SLC46A3: variants seen among roughly 807,000 people sequenced by gnomAD.
SLC46A3 encodes lysosomal proton-coupled steroid conjugate and bile acid symporter SLC46A3.
Under a neutral mutation model 38.5 loss-of-function variants are expected in SLC46A3, and 26 were observed. That is an observed-to-expected ratio of 0.68 (90% CI 0.49 to 0.94). The LOEUF (loss-of-function observed/expected upper bound fraction) is 0.94. SLC46A3 is among the 40% of genes least tolerant of loss of function. SLC46A3 has a pLI of 0.00. For synonymous variants in SLC46A3, 185 were observed against 192.5 expected, an observed-to-expected ratio of 0.96 and a Z score of 0.32; for missense variants, 510 against 544.3, an observed-to-expected ratio of 0.94 and a Z score of 0.63.
chr13:28,703,097 T>C (rs1208082727), intron 5 of SLC46A3, among the ~76,000 whole-genome samples: 2 of 152,220 alleles, frequency 1.3e-5, no homozygotes, highest in Non-Finnish European at 2.9e-5. Flanking sequence ...AAATATTGCT[T>C]TTATATTTAT....
At position 28,704,051 on chromosome 13, in the gene SLC46A3, G is replaced by A. The variant is rs746162466; in HGVS notation, c.1193C>T (p.Thr398Ile). The change falls in exon 5 of 6, where the codon ACT (threonine) becomes ATT (isoleucine). Residue 398 changes from threonine to isoleucine, a missense_variant. By Grantham distance (89) the Thr-to-Ile change is moderately conservative (BLOSUM62 -1). Coordinates refer to ENST00000266943, the MANE Select transcript of SLC46A3 (RefSeq NM_181785.4). ...IAFLETLGGV[T>I]AVSTFNGIYS... is the part of the protein sequence containing the mutation. ...AATTCCATTAAAAGTAGAAACTGCA[G>A]TGACTCCTCCAAGTGTTTCTAAGAA... 1.9e-6 allele frequency: 3 copies of A among 1,613,684 alleles called. No homozygotes were observed. Among genetic ancestry groups the A allele is most frequent in the South Asian group, 2.2e-5 (2 of 91,058 alleles).
At position 28,713,291 on chromosome 13, in the gene SLC46A3, G is replaced by A. The variant is rs768185043; in HGVS notation, c.449C>T (p.Ala150Val). 4 of 1,613,926 alleles carry A rather than the reference G, an allele frequency of 2.5e-6. No individual in the cohort carries two copies. In the South Asian group the frequency reaches 4.4e-5, roughly 18 times the overall value. ...FCGNYTTFWGACFAYIVDQCK... is the reference protein window; with the variant it reads ...FCGNYTTFWGVCFAYIVDQCK... ...CTGATCAACTATATAGGCAAAGCAA[G>A]CTCCCCAAAATGTGGTATAATTGCC... Residue 150 changes from alanine (A) to valine (V), a missense_variant, in exon 3 of 6, where the codon GCT (alanine) becomes GTT (valine). Coordinates refer to ENST00000266943, the MANE Select transcript of SLC46A3 (RefSeq NM_181785.4).
At chr13:28,717,725 G>A (rs1885571287) in intron 2 of SLC46A3, 85 bp downstream of exon 2, 1 of 1,348,768 alleles carries the variant, frequency 7.4e-7, no homozygotes, top group African/African-American at 1.5e-5. Context: ...GAGACCAATG[G>A]ATGATGAGTT....
At chr13:28,701,709 C>A in intron 5 of SLC46A3, 128 bp from the exon 6 acceptor site, 4 of 824,674 alleles carry the variant, frequency 4.9e-6, no homozygotes, top group Non-Finnish European at 7.5e-6. Flanking sequence ...GGAGGAGTAT[C>A]CTGGCATTTT....
rs1361710556 is a variant in SLC46A3 at position 28,705,755 on chromosome 13, C to T, written c.1145-1656G>A. On this transcript the variant is annotated intron_variant, in intron 4 of 5. Coordinates refer to ENST00000266943, the MANE Select transcript of SLC46A3 (RefSeq NM_181785.4). ...ACTGCCTCCATGATTTATGATAATA[C>T]ATTAAGTCAGTTTAATTGGAAGGAT... Among the ~76,000 whole-genome samples, 5 of 152,206 alleles carry T rather than the reference C, an allele frequency of 3.3e-5. No individual in the cohort carries two copies. In the East Asian group the frequency reaches 7.7e-4, roughly 23 times the overall value.
At chr13:28,716,065 A>C (rs1566125221) in intron 2 of SLC46A3, among the ~76,000 whole-genome samples, 1 of 151,936 alleles carries the variant, frequency 6.6e-6, no homozygotes, top group South Asian at 2.1e-4. Context: ...AGGTGAGAGG[A>C]TCCCTTGAGC....
chr13:28,711,067 GT>G (rs371211803), intron 3 of SLC46A3, among the ~76,000 whole-genome samples: 90 of 152,256 alleles, frequency 5.9e-4, no homozygotes, highest in African/African-American at 2.1e-3. Flanking sequence ...TCTTATTCCA[GT>G]ACAGAGAACA....
intron 3 of SLC46A3, among the ~76,000 whole-genome samples, chr13:28,712,116 C>A (rs1885361315): frequency 6.6e-6 from 1 of 152,158 alleles, no homozygotes. Context: ...TTTTTCAATG[C>A]AGTATCTCAT....
At position 28,703,989 on chromosome 13, in the gene SLC46A3, A is replaced by G; in HGVS notation, c.1255T>C (p.Phe419Leu). The G allele has an allele frequency of 6.2e-7, 1 of 1,613,930 alleles. No homozygotes were observed. Among genetic ancestry groups the G allele is most frequent in the Non-Finnish European group, 8.5e-7 (1 of 1,179,876 alleles). ...ATVAWYPGFT[F>L]LLSAGLLLLP... is the part of the protein sequence containing the mutation. ...AGTAACAGACCAGCAGACAGCAGGA[A>G]AGTGAAGCCAGGGTACCAAGCAACA... Residue 419 changes from phenylalanine (F) to leucine (L), a missense_variant, in exon 5 of 6, where the codon TTC (phenylalanine) becomes CTC (leucine). Transcript: ENST00000266943.
intron 4 of SLC46A3, among the ~76,000 whole-genome samples, chr13:28,709,379 T>A (rs947812205): frequency 3.9e-5 from 6 of 151,950 alleles, no homozygotes; most frequent in East Asian, 3.9e-4. Context: ...ATTTATTGAA[T>A]TATGTAGCCT....
In SLC46A3 at chr13:28,700,692, C is replaced by T; in HGVS notation, c.*805G>A. 2.8e-6 allele frequency: 1 copy of T among 363,386 alleles called. No individual in the cohort carries two copies. The highest frequency in any genetic ancestry group is 5.0e-6 in the Non-Finnish European group (1 of 200,412). The allele number at this position is 363,386 out of a possible 1,614,324, so 22.5% of individuals were successfully genotyped here. A position where few individuals can be genotyped will look rare whatever the true frequency, so the allele number is the denominator to read the frequency against. ...GCTCCAAACATTAGTTACTTTATACCAGTATTAGCTGTTCATTCAGTTTTT... is the reference window on the plus strand; with the variant it reads ...GCTCCAAACATTAGTTACTTTATACTAGTATTAGCTGTTCATTCAGTTTTT... On this transcript the variant is annotated 3_prime_UTR_variant, in exon 6 of 6. Transcript: ENST00000266943.
chr13:28,710,372 G>A (rs2137831736), intron 4 of SLC46A3, among the ~76,000 whole-genome samples: 1 of 152,348 alleles, frequency 6.6e-6, no homozygotes, highest in South Asian at 2.1e-4. Context: ...GAAGGTGGCT[G>A]AGGAAGAGGA....
intron 2 of SLC46A3, among the ~76,000 whole-genome samples, chr13:28,717,311 T>C (rs1299816841): frequency 6.6e-6 from 1 of 151,988 alleles, no homozygotes; most frequent in Non-Finnish European, 1.5e-5. Flanking sequence ...TGACAGACAC[T>C]GGCTCACAAT....
intron 2 of SLC46A3, among the ~76,000 whole-genome samples, chr13:28,716,573 T>TAAGA (rs1555260638): frequency 6.6e-6 from 1 of 152,178 alleles, no homozygotes; most frequent in Non-Finnish European, 1.5e-5. Flanking sequence ...TGAAGGGAGA[T>TAAGA]AAGACCGCTG....
intron 4 of SLC46A3, 70 bp from the exon 5 acceptor site, chr13:28,704,169 A>G (rs1178958444): frequency 7.4e-7 from 1 of 1,344,638 alleles, no homozygotes; most frequent in Non-Finnish European, 1.0e-6. Context: ...ACACAAACTA[A>G]TGGAGACAAC....
chr13:28,701,909 G>C (rs1267352037), intron 5 of SLC46A3, among the ~76,000 whole-genome samples: 2 of 152,032 alleles, frequency 1.3e-5, no homozygotes, highest in African/African-American at 4.8e-5. Context: ...CAGAAGCTTG[G>C]ACATTTGGAG....
rs759314490 is a variant in SLC46A3, at chr13:28,704,118, G to C, written c.1145-19C>G. 3 of 1,543,690 alleles carry C rather than the reference G, an allele frequency of 1.9e-6. No homozygotes were observed. Among genetic ancestry groups the C allele is most frequent in the African/African-American group, 3.0e-5 (2 of 67,302 alleles). On this transcript the variant is annotated intron_variant, in intron 4 of 5. Coordinates refer to ENST00000266943, the MANE Select transcript of SLC46A3 (RefSeq NM_181785.4). ...AGGGTACCTGTTTGGAGTAGGGATA[G>C]AGAGAGAGGAAAAAAAAAAGGCAGA...
chr13:28,705,230 T>C (rs1320944965), intron 4 of SLC46A3, among the ~76,000 whole-genome samples: 1 of 152,244 alleles, frequency 6.6e-6, no homozygotes, highest in African/African-American at 2.4e-5. Context: ...CAAGTTTACT[T>C]TTCCATGAAA....
At chr13:28,702,465 C>T (rs908262779) in intron 5 of SLC46A3, among the ~76,000 whole-genome samples, 6 of 152,082 alleles carry the variant, frequency 3.9e-5, no homozygotes, top group Non-Finnish European at 8.8e-5. Context: ...AAAGGAATTG[C>T]TGGATCAATC....
Sources: gnomAD v4.1 joint callset for allele counts (sites outside exome capture counted in the v4.1 genomes callset) on GRCh38, gnomAD v4.1.1 for gene constraint, MANE v1.5 for transcripts, NCBI Gene and HGNC (gene_info 2026-07-23, HGNC 2026-07-21) for gene names.